The following APLF variants were observed in gnomAD, a reference collection of about 807,000 sequenced individuals.
APLF encodes the protein aprataxin and PNKP like factor, also known as aprataxin and PNK-like factor.
APLF carries 61 observed loss-of-function variants against 55.6 expected under a neutral mutation model. That is an observed-to-expected ratio of 1.10 (90% CI 0.89 to 1.36). The LOEUF (loss-of-function observed/expected upper bound fraction) is 1.36. Ranked by LOEUF, APLF falls within the 40% of genes most tolerant of loss-of-function variation. The probability of loss-of-function intolerance (pLI) is 0.00; values close to 1 mark genes in which losing one functional copy is unlikely to be tolerated. For missense variants in APLF, 611 were observed against 602.5 expected (o/e 1.01, Z -0.15); for synonymous variants, 207 against 214.8 (o/e 0.96, Z 0.32).
intron 5 of APLF, among the ~76,000 whole-genome samples, chr2:68,517,217 TA>T (rs1669623787): frequency 8.0e-6 from 1 of 124,984 alleles, no homozygotes; most frequent in Non-Finnish European, 1.6e-5. Flanking sequence ...ATGTTATTGA[TA>T]TATATAAATA....
chr2:68,538,157 T>C lies in APLF; in HGVS notation c.1090T>C (p.Ser364Pro). Residue 364 changes from serine to proline, a missense_variant, in exon 7 of 10, where the codon TCA becomes CCA. Transcript: ENST00000303795. ...AACTTTGCATGCAAAGGCAACTGAT[T>C]CAGTTCTACAAGGTTCTGAAGGAAA... ...PETLHAKATD[S>P]VLQGSEGNKV... The C allele has an allele frequency of 3.7e-6, 6 of 1,614,114 alleles. No homozygotes were observed. The highest frequency in any genetic ancestry group is 5.1e-6 in the Non-Finnish European group (6 of 1,179,986).
chr2:68,488,655 G>A (rs1027880691), intron 1 of APLF, among the ~76,000 whole-genome samples: 1 of 152,050 alleles, frequency 6.6e-6, no homozygotes, highest in East Asian at 1.9e-4. Flanking sequence ...TAAAAGGAGT[G>A]TGGATTTGGA....
At chr2:68,541,254 A>C (rs1160733719) in intron 7 of APLF, among the ~76,000 whole-genome samples, 1 of 152,232 alleles carries the variant, frequency 6.6e-6, no homozygotes, top group African/African-American at 2.4e-5. Flanking sequence ...TATAAAATGA[A>C]GTAATCATAA....
chr2:68,498,669 C>T (rs961086711), intron 2 of APLF, among the ~76,000 whole-genome samples: 13 of 152,190 alleles, frequency 8.5e-5, no homozygotes, highest in African/African-American at 2.9e-4. Context: ...GGAGAAAAGA[C>T]ATTACAAAGG....
intron 5 of APLF, among the ~76,000 whole-genome samples, chr2:68,521,405 G>A (rs1370866899): frequency 1.3e-5 from 2 of 151,908 alleles, no homozygotes; most frequent in Admixed American, 1.3e-4. Context: ...GAATAGAAGT[G>A]TTGAAAGTGG....
chr2:68,517,400 TTAA>T (rs1669642309), intron 5 of APLF, among the ~76,000 whole-genome samples: 1 of 127,594 alleles, frequency 7.8e-6, no homozygotes, highest in Non-Finnish European at 1.6e-5. Context: ...TTACTATATA[TTAA>T]TATATCTATA....
intron 5 of APLF, among the ~76,000 whole-genome samples, chr2:68,517,233 A>G (rs1327942193): frequency 9.0e-6 from 1 of 110,498 alleles, no homozygotes; most frequent in South Asian, 2.6e-4. Context: ...TAAATATATT[A>G]ATATATGTCA....
At chr2:68,489,758 A>G (rs527869381) in intron 1 of APLF, among the ~76,000 whole-genome samples, 1 of 152,274 alleles carries the variant, frequency 6.6e-6, no homozygotes, top group East Asian at 1.9e-4. Flanking sequence ...CACTTACCAG[A>G]TCCTCGAGCA....
chr2:68,568,285 T>C, intron 9 of APLF: 1 of 985,392 alleles, frequency 1.0e-6, no homozygotes, highest in Non-Finnish European at 1.2e-6. Flanking sequence ...GAAAATAAAA[T>C]GCATACTATC....
intron 1 of APLF, among the ~76,000 whole-genome samples, chr2:68,481,489 T>A (rs879520683): frequency 3.3e-5 from 5 of 152,288 alleles, no homozygotes; most frequent in Non-Finnish European, 4.4e-5. Flanking sequence ...TAATGGGCAT[T>A]CCCTTTTATG....
At chr2:68,575,425 TA>T (rs1671594522) in intron 9 of APLF, among the ~76,000 whole-genome samples, 1 of 152,118 alleles carries the variant, frequency 6.6e-6, no homozygotes, top group South Asian at 2.1e-4. Flanking sequence ...GACCTGTAAA[TA>T]AAGACTTTAG....
At chr2:68,517,415 ATT>A (rs1491041091) in intron 5 of APLF, among the ~76,000 whole-genome samples, 2 of 132,908 alleles carry the variant, frequency 1.5e-5, no homozygotes, top group Admixed American at 7.9e-5. Flanking sequence ...ATATCTATAT[ATT>A]ACTATATATT....
chr2:68,497,219 T>C (rs112653602), intron 2 of APLF, among the ~76,000 whole-genome samples: 3,905 of 152,174 alleles, frequency 0.026, 66 homozygotes, highest in South Asian at 0.043. Flanking sequence ...GGGAAACCAG[T>C]ACATCACATG....
At chr2:68,577,795 T>C in intron 9 of APLF, 25 bp from the exon 10 acceptor site, 1 of 1,611,902 alleles carries the variant, frequency 6.2e-7, no homozygotes, top group Non-Finnish European at 8.5e-7. Context: ...ATTGATGTGT[T>C]GTGTACCAAT....
At chr2:68,492,783 T>A (rs114037006) in intron 2 of APLF, among the ~76,000 whole-genome samples, 51 of 152,316 alleles carry the variant, frequency 3.3e-4, no homozygotes, top group South Asian at 6.2e-4. Context: ...CAAAAATTCC[T>A]CATGACCACT....
intron 6 of APLF, chr2:68,528,227 C>A (rs1670136658): frequency 8.7e-7 from 1 of 1,144,514 alleles, no homozygotes; most frequent in Non-Finnish European, 1.3e-6. Flanking sequence ...CAGGCGTGGG[C>A]CACCATGCCT....
intron 1 of APLF, among the ~76,000 whole-genome samples, chr2:68,486,146 T>G (rs1222628647): frequency 6.6e-6 from 1 of 152,110 alleles, no homozygotes; most frequent in Non-Finnish European, 1.5e-5. Flanking sequence ...ACCCATCAAT[T>G]TTTGAGCATT....
chr2:68,573,541 C>CG lies in APLF; in HGVS notation c.1334-4274dup, dbSNP rs777730291. Among the ~76,000 whole-genome samples, 6 of 151,944 alleles carry CG rather than the reference C, an allele frequency of 3.9e-5. No homozygotes were observed. The East Asian group carries it at 9.7e-4, about 24-fold the overall frequency. On this transcript the variant is annotated intron_variant, in intron 9 of 9. Coordinates refer to ENST00000303795, the MANE Select transcript of APLF (RefSeq NM_173545.3). ...TACAAAAAGTAGCTGGGCGTGGTGG[C>CG]GGGGGCCTGTAATCCCAGCTACTCA... is the stretch of plus-strand genomic sequence containing the variant.
chr2:68,468,656 A>C (rs569239834), intron 1 of APLF, among the ~76,000 whole-genome samples: 1 of 152,356 alleles, frequency 6.6e-6, no homozygotes, highest in South Asian at 2.1e-4. Flanking sequence ...GGAATTCTAT[A>C]GATCTCTTAA....
Sources: gnomAD v4.1 joint callset for allele counts (sites outside exome capture counted in the v4.1 genomes callset) on GRCh38, gnomAD v4.1.1 for gene constraint, MANE v1.5 for transcripts, NCBI Gene and HGNC (gene_info 2026-07-23, HGNC 2026-07-21) for gene names.